The following RORA variants were observed in gnomAD, a reference collection of about 807,000 sequenced individuals.
RORA encodes the protein nuclear receptor ROR-alpha.
In RORA, 7 loss-of-function variants were observed where a neutral mutation model predicts 69.5. The ratio of observed to expected loss-of-function variants is 0.10; its 90% CI spans 0.06 to 0.19. The LOEUF is 0.19. RORA is among the 10% of genes least tolerant of loss of function. The pLI, the probability that RORA is intolerant of heterozygous loss-of-function variation, is 1.00. For synonymous variants in RORA, 261 were observed against 240.8 expected (o/e 1.08, Z -0.78); for missense variants, 457 against 663.0 (o/e 0.69, Z 3.41).
rs187085572 is a variant in RORA at position 60,751,860 on chromosome 15, A to G, written c.167-73174T>C. Among the ~76,000 whole-genome samples the G allele has an allele frequency of 5.3e-5, 8 of 152,168 alleles. No homozygotes were observed. The East Asian group carries it at 1.5e-3, about 29-fold the overall frequency. On this transcript the variant is annotated intron_variant, in intron 1 of 10. Transcript: ENST00000335670. Reference sequence around the variant, plus strand: ...CTCCTCTACCAAAACTGCATAGACCACTCTGTAAAACACTCCAAGTAAGGA... The same window carrying G: ...CTCCTCTACCAAAACTGCATAGACCGCTCTGTAAAACACTCCAAGTAAGGA...
In RORA at chr15:60,951,207, C is replaced by T. The variant is rs1171366495; in HGVS notation, c.167-272521G>A. On this transcript the variant is annotated intron_variant, in intron 1 of 10. Coordinates refer to ENST00000335670, the MANE Select transcript of RORA (RefSeq NM_134261.3). ...AATGACTAGTGGATACATAACGAAA[C>T]GAAGGCAGAAATAAAGATGTTCTTT... 7.0e-4 allele frequency among the ~76,000 whole-genome samples: 107 copies of T among 151,776 alleles called. 1 individual carries two copies. The highest frequency in any genetic ancestry group is 1.1e-3 in the Non-Finnish European group (75 of 67,942).
chr15:60,726,480 G>GACA (rs923233912), intron 1 of RORA, among the ~76,000 whole-genome samples: 7 of 152,216 alleles, frequency 4.6e-5, no homozygotes, highest in African/African-American at 1.4e-4. Flanking sequence ...ACAGAATTGG[G>GACA]ACAAGGTTGT....
chr15:60,732,787 ACACACACC>A (rs907067695), intron 1 of RORA, among the ~76,000 whole-genome samples: 5 of 152,164 alleles, frequency 3.3e-5, no homozygotes, highest in Admixed American at 1.3e-4. Context: ...TTACAATCAC[ACACACACC>A]CACATACACT....
At chr15:60,747,540 C>T (rs1167963802) in intron 1 of RORA, among the ~76,000 whole-genome samples, 2 of 152,148 alleles carry the variant, frequency 1.3e-5, no homozygotes, top group Non-Finnish European at 2.9e-5. Context: ...TAACATGCTC[C>T]AATCACCTGC....
rs75551845 is a variant in RORA at position 61,107,353 on chromosome 15, CT to C, written c.166+121699del. Among the ~76,000 whole-genome samples, 4 of 152,082 alleles carry C rather than the reference CT, an allele frequency of 2.6e-5. No homozygotes were observed. In the South Asian group the frequency reaches 6.2e-4, roughly 24 times the overall value. ...TGCCAGGATGTACGAAACTGCAGTA[CT>C]TTTTTTATTTTTAAAGGAAGTCCAC... On this transcript the variant is annotated intron_variant, in intron 1 of 10. Transcript: ENST00000335670.
At chr15:60,787,496 G>A (rs953361893) in intron 1 of RORA, among the ~76,000 whole-genome samples, 2 of 152,162 alleles carry the variant, frequency 1.3e-5, no homozygotes, top group Non-Finnish European at 2.9e-5. Context: ...GACAGCATAC[G>A]TTAGTGGGCT....
intron 1 of RORA, among the ~76,000 whole-genome samples, chr15:61,108,683 G>C (rs1296105107): frequency 1.3e-5 from 2 of 152,182 alleles, no homozygotes; most frequent in African/African-American, 2.4e-5. Context: ...AAGGTTTGAG[G>C]AAAACATGCT....
At chr15:61,025,527 C>A (rs560465284) in intron 1 of RORA, among the ~76,000 whole-genome samples, 1 of 152,152 alleles carries the variant, frequency 6.6e-6, no homozygotes, top group Non-Finnish European at 1.5e-5. Flanking sequence ...GATGAAAATG[C>A]GACTCAGACA....
intron 1 of RORA, among the ~76,000 whole-genome samples, chr15:61,173,727 C>T (rs1205613466): frequency 6.6e-6 from 1 of 152,198 alleles, no homozygotes; most frequent in Admixed American, 6.5e-5. Context: ...GTGACCACGG[C>T]TCACTGCGAC....
At chr15:60,564,595 GA>G in intron 2 of RORA, among the ~76,000 whole-genome samples, 1 of 152,216 alleles carries the variant, frequency 6.6e-6, no homozygotes, top group Admixed American at 6.5e-5. Context: ...TATTAAATCT[GA>G]TCTTTTGGTC....
chr15:61,124,126 C>T (rs1436046820), intron 1 of RORA, among the ~76,000 whole-genome samples: 1 of 152,238 alleles, frequency 6.6e-6, no homozygotes, highest in Non-Finnish European at 1.5e-5. Context: ...CTTGCTGCTT[C>T]CTGAGGTCAG....
chr15:60,750,887 G>A (rs755914151), intron 1 of RORA, among the ~76,000 whole-genome samples: 4 of 152,188 alleles, frequency 2.6e-5, no homozygotes, highest in Non-Finnish European at 5.9e-5. Flanking sequence ...TCATCTGAGG[G>A]GCGAAGGGCA....
intron 2 of RORA, among the ~76,000 whole-genome samples, chr15:60,611,703 A>C (rs940630240): frequency 1.3e-5 from 2 of 151,854 alleles, no homozygotes; most frequent in African/African-American, 4.8e-5. Flanking sequence ...CCATAGACAC[A>C]AGCTGCTTTG....
At chr15:61,138,332 T>C (rs537233484) in intron 1 of RORA, among the ~76,000 whole-genome samples, 2 of 152,332 alleles carry the variant, frequency 1.3e-5, no homozygotes, top group South Asian at 4.1e-4. Flanking sequence ...GTGACTCACA[T>C]AGACGTGGGA....
At chr15:61,011,466 G>C (rs138615566) in intron 1 of RORA, among the ~76,000 whole-genome samples, 2 of 152,004 alleles carry the variant, frequency 1.3e-5, no homozygotes, top group East Asian at 3.9e-4. Flanking sequence ...CTCACTTTAG[G>C]TATCTGTGAG....
intron 1 of RORA, among the ~76,000 whole-genome samples, chr15:60,947,880 G>A (rs185206373): frequency 2.0e-5 from 3 of 152,088 alleles, no homozygotes; most frequent in Admixed American, 2.0e-4. Flanking sequence ...CAGGGCATGG[G>A]GCCTTGGGGC....
At chr15:61,072,990 A>G (rs1001513230) in intron 1 of RORA, among the ~76,000 whole-genome samples, 1 of 152,208 alleles carries the variant, frequency 6.6e-6, no homozygotes, top group Non-Finnish European at 1.5e-5. Flanking sequence ...GTTTGGGTAG[A>G]CCTAAGGTAG....
chr15:61,079,950 T>C (rs1273775881), intron 1 of RORA, among the ~76,000 whole-genome samples: 1 of 152,188 alleles, frequency 6.6e-6, no homozygotes, highest in Non-Finnish European at 1.5e-5. Flanking sequence ...ATGGAGATCA[T>C]AATACTCATA....
At chr15:61,119,536 T>A (rs2079083849) in intron 1 of RORA, among the ~76,000 whole-genome samples, 1 of 151,796 alleles carries the variant, frequency 6.6e-6, no homozygotes, top group Admixed American at 6.6e-5. Flanking sequence ...CTGGAACACC[T>A]GTACTCAAGC....
Sources: gnomAD v4.1 joint callset for allele counts (sites outside exome capture counted in the v4.1 genomes callset) on GRCh38, gnomAD v4.1.1 for gene constraint, MANE v1.5 for transcripts, NCBI Gene and HGNC (gene_info 2026-07-23, HGNC 2026-07-21) for gene names.